The following SDK1 variants were observed in gnomAD, a reference collection of about 807,000 sequenced individuals.
SDK1 encodes the protein protein sidekick-1.
SDK1 carries 157 observed loss-of-function variants against 245.5 expected under a neutral mutation model. The ratio of observed to expected loss-of-function variants is 0.64; its 90% CI spans 0.56 to 0.73. The LOEUF is 0.73. SDK1 is among the 30% of genes least tolerant of loss of function. The probability of loss-of-function intolerance (pLI) is 0.00; values close to 1 mark genes in which losing one functional copy is unlikely to be tolerated. For synonymous variants in SDK1, 1,647 were observed against 1,278.5 expected, an observed-to-expected ratio of 1.29 and a Z score of -6.15; for missense variants, 3,583 against 3,002.3, an observed-to-expected ratio of 1.19 and a Z score of -4.52.
rs959476820 is a variant in SDK1 at position 4,114,220 on chromosome 7, G to A, written c.3769G>A (p.Ala1257Thr). The part of the protein sequence containing the change: ...EYELQMQAFN[A>T]VGAGPWSEVV... ...CGAGCTGCAGATGCAGGCCTTCAAC[G>A]CCGTCGGGGCTGGGCCGTGGAGCGA... The change falls in exon 25 of 45, where the codon GCC becomes ACC. Residue 1257 changes from alanine (A) to threonine (T), a missense_variant. Transcript: ENST00000404826. The A allele has an allele frequency of 6.2e-6, 10 of 1,613,252 alleles. No homozygotes were observed. The highest frequency in any genetic ancestry group is 4.0e-5 in the African/African-American group (3 of 74,928).
chr7:3,666,846 C>T (rs539102096), intron 4 of SDK1, among the ~76,000 whole-genome samples: 23 of 152,224 alleles, frequency 1.5e-4, no homozygotes, highest in African/African-American at 5.1e-4. Flanking sequence ...AGGGTGGAAA[C>T]GAGGGATAAA....
At chr7:4,064,830 T>G (rs1779765537) in intron 19 of SDK1, among the ~76,000 whole-genome samples, 2 of 151,920 alleles carry the variant, frequency 1.3e-5, no homozygotes, top group Admixed American at 6.6e-5. Context: ...TTCTCACTCA[T>G]AAGTAGTAGC....
chr7:3,580,823 C>G (rs1780455727), intron 1 of SDK1, among the ~76,000 whole-genome samples: 3 of 151,586 alleles, frequency 2.0e-5, no homozygotes, highest in South Asian at 4.2e-4. Flanking sequence ...AAAAAATAGG[C>G]TGGATGTGGT....
chr7:3,755,794 A>C (rs1779907643), intron 4 of SDK1, among the ~76,000 whole-genome samples: 1 of 152,128 alleles, frequency 6.6e-6, no homozygotes. Flanking sequence ...GAGTCCCTTC[A>C]CGTGGTATAG....
At chr7:3,449,579 T>C (rs940109689) in intron 1 of SDK1, among the ~76,000 whole-genome samples, 1 of 152,248 alleles carries the variant, frequency 6.6e-6, no homozygotes, top group Non-Finnish European at 1.5e-5. Context: ...AGAATTCTTC[T>C]GTAAACACCT....
chr7:3,411,784 A>G (rs1259558629), intron 1 of SDK1, among the ~76,000 whole-genome samples: 7 of 152,178 alleles, frequency 4.6e-5, no homozygotes, highest in East Asian at 1.9e-4. Flanking sequence ...CTTAAGAGCA[A>G]TAGACTATAA....
intron 13 of SDK1, among the ~76,000 whole-genome samples, chr7:3,975,770 G>C (rs1782876426): frequency 1.3e-5 from 2 of 152,236 alleles, no homozygotes; most frequent in Admixed American, 1.3e-4. Context: ...TCTCCTTCCA[G>C]GATGACCCCT....
rs1782616120 is a variant in SDK1 at position 3,512,537 on chromosome 7, C to G, written c.299-106543C>G. On this transcript the variant is annotated intron_variant, in intron 1 of 44. Transcript: ENST00000404826. Reference sequence around the variant, plus strand: ...TTTCGTTTTGTAAGAAGCCACCAGGCTGTCCTCAGAAGTGACTGTAACATT... The same window carrying G: ...TTTCGTTTTGTAAGAAGCCACCAGGGTGTCCTCAGAAGTGACTGTAACATT... Among the ~76,000 whole-genome samples the G allele has an allele frequency of 6.6e-5, 10 of 152,182 alleles. 1 individual carries two copies. Among genetic ancestry groups the G allele is most frequent in the Admixed American group, 6.5e-4 (10 of 15,268 alleles).
intron 1 of SDK1, among the ~76,000 whole-genome samples, chr7:3,505,182 C>G (rs1032020000): frequency 1.3e-5 from 2 of 152,042 alleles, no homozygotes; most frequent in Non-Finnish European, 2.9e-5. Flanking sequence ...TAAAATATAT[C>G]TGTTTTTGTT....
chr7:3,709,746 G>T (rs934480394), intron 4 of SDK1, among the ~76,000 whole-genome samples: 5 of 152,120 alleles, frequency 3.3e-5, no homozygotes, highest in South Asian at 2.1e-4. Flanking sequence ...TCTTGAAATT[G>T]GGCTTTTGAA....
At chr7:3,650,065 A>G (rs1310627452) in intron 4 of SDK1, among the ~76,000 whole-genome samples, 5 of 150,148 alleles carry the variant, frequency 3.3e-5, no homozygotes, top group African/African-American at 1.2e-4. Flanking sequence ...TTTAAAAAAA[A>G]TAGAGATAGG....
chr7:3,921,905 G>A (rs1779598396), intron 5 of SDK1, among the ~76,000 whole-genome samples: 1 of 152,130 alleles, frequency 6.6e-6, no homozygotes, highest in Admixed American at 6.6e-5. Flanking sequence ...GGTCAAGGCT[G>A]TGGTGAACCG....
chr7:3,406,166 C>T (rs993083723), intron 1 of SDK1, among the ~76,000 whole-genome samples: 17 of 152,146 alleles, frequency 1.1e-4, no homozygotes, highest in African/African-American at 2.7e-4. Flanking sequence ...GGTTAATCCA[C>T]GTGATTTTTG....
At chr7:4,048,613 T>A (rs1789202934) in intron 17 of SDK1, among the ~76,000 whole-genome samples, 1 of 151,858 alleles carries the variant, frequency 6.6e-6, no homozygotes, top group Non-Finnish European at 1.5e-5. Context: ...AGGCCACCCT[T>A]CCTCCCAAAC....
intron 4 of SDK1, among the ~76,000 whole-genome samples, chr7:3,731,756 C>A (rs1424726133): frequency 6.6e-6 from 1 of 152,118 alleles, no homozygotes; most frequent in East Asian, 1.9e-4. Flanking sequence ...GAAAAAAATT[C>A]TCCATGGAGA....
At chr7:3,635,420 G>A (rs1037276849) in intron 2 of SDK1, among the ~76,000 whole-genome samples, 21 of 152,158 alleles carry the variant, frequency 1.4e-4, no homozygotes, top group Admixed American at 1.3e-3. Flanking sequence ...ATGCCTATCA[G>A]TTCCTTTTTC....
rs531346071 is a variant in SDK1, at chr7:3,564,239, C to T, written c.299-54841C>T. ...ATGAAATACAGAATAATAATAATAA[C>T]ACCTGACATGATAGAGAAGGTTAAA... is the stretch of plus-strand genomic sequence containing the variant. On this transcript the variant is annotated intron_variant, in intron 1 of 44. Coordinates refer to ENST00000404826, the MANE Select transcript of SDK1 (RefSeq NM_152744.4). Among the ~76,000 whole-genome samples, 15 of 152,096 alleles carry T rather than the reference C, an allele frequency of 9.9e-5. No homozygotes were observed. The South Asian group carries it at 3.1e-3, about 32-fold the overall frequency.
At chr7:3,838,189 C>T (rs1417013352) in intron 5 of SDK1, among the ~76,000 whole-genome samples, 1 of 152,202 alleles carries the variant, frequency 6.6e-6, no homozygotes, top group Non-Finnish European at 1.5e-5. Context: ...TGGTACATAG[C>T]CTGCATGGCT....
intron 43 of SDK1, among the ~76,000 whole-genome samples, chr7:4,245,187 C>T (rs953855768): frequency 6.6e-6 from 1 of 152,116 alleles, no homozygotes; most frequent in African/African-American, 2.4e-5. Flanking sequence ...GACGAATGCT[C>T]CCCCACCAGA....
Sources: gnomAD v4.1 joint callset for allele counts (sites outside exome capture counted in the v4.1 genomes callset) on GRCh38, gnomAD v4.1.1 for gene constraint, MANE v1.5 for transcripts, NCBI Gene and HGNC (gene_info 2026-07-23, HGNC 2026-07-21) for gene names.